Variants in STON2 observed in about 807,000 individuals in gnomAD.
The protein encoded by STON2 is stonin-2.
In STON2, 29 loss-of-function variants were observed where a neutral mutation model predicts 65.7. The ratio of observed to expected loss-of-function variants is 0.44; its 90% confidence interval spans 0.33 to 0.60. The LOEUF is 0.60. Ranked by LOEUF, STON2 falls within the 20% of genes least tolerant of loss-of-function variation. STON2 has a pLI of 0.03. For missense variants in STON2, 1,054 were observed against 1,118.1 expected, an observed-to-expected ratio of 0.94 and a Z score of 0.82; for synonymous variants, 404 against 414.2, an observed-to-expected ratio of 0.98 and a Z score of 0.30.
rs373536945 is a variant in STON2 at position 81,266,951 on chromosome 14, A to G, written c.*1463T>C. ...CATTTTACTTTCAGTCTTAGTTCAG[A>G]TATTTCAAAATACTGTAACTATTTC... On this transcript the variant is annotated 3_prime_UTR_variant, in exon 8 of 8. Coordinates refer to ENST00000614646, the MANE Select transcript of STON2 (RefSeq NM_001394390.1). 2 of 984,984 alleles carry G rather than the reference A, an allele frequency of 2.0e-6. No homozygotes were observed. The highest frequency in any genetic ancestry group is 2.4e-6 in the Non-Finnish European group (2 of 829,500). 61.0% of individuals were successfully genotyped at this position (984,984 alleles called of 1,614,324 possible).
intron 3 of STON2, among the ~76,000 whole-genome samples, chr14:81,383,948 C>T (rs1464189574): frequency 6.6e-6 from 1 of 152,178 alleles, no homozygotes; most frequent in Admixed American, 6.5e-5. Context: ...GTTTCTGCCT[C>T]ACCTCCTTGT....
chr14:81,265,265 C>T lies in STON2; in HGVS notation c.*3149G>A. On this transcript the variant is annotated 3_prime_UTR_variant, in exon 8 of 8. Transcript: ENST00000614646. ...TCTAAAAATATATAGTATTATTATC[C>T]CCAAACCCCTAAATGCTACCCATAA... The T allele has an allele frequency of 1.0e-6, 1 of 983,770 alleles. No individual in the cohort carries two copies. Among genetic ancestry groups the T allele is most frequent in the South Asian group, 4.7e-5 (1 of 21,248 alleles). The allele number at this position is 983,770 out of a possible 1,614,324, so 60.9% of individuals were successfully genotyped here.
intron 3 of STON2, among the ~76,000 whole-genome samples, chr14:81,371,692 G>GAAAAAA (rs1899006102): frequency 1.0e-5 from 1 of 98,238 alleles, no homozygotes; most frequent in African/African-American, 3.6e-5. Flanking sequence ...AAAAAAAAAA[G>GAAAAAA]AAAAGAAAAG....
In STON2 at chr14:81,366,640, C is replaced by A. The variant is rs1595401610; in HGVS notation, c.571+4348G>T. 1.3e-5 allele frequency among the ~76,000 whole-genome samples: 2 copies of A among 152,134 alleles called. 1 individual carries two copies. Among genetic ancestry groups the A allele is most frequent in the African/African-American group, 4.8e-5 (2 of 41,512 alleles). ...CCCAAGGTTCCCCAGGCACAGAAAC[C>A]AATCATACCGAACTCCCCACTGCAT... is the stretch of plus-strand genomic sequence containing the variant. On this transcript the variant is annotated intron_variant, in intron 4 of 7. Transcript: ENST00000614646.
At position 81,372,541 on chromosome 14, in the gene STON2, A is replaced by C. The variant is rs1899050908; in HGVS notation, c.374-1356T>G. 3.7e-5 allele frequency among the ~76,000 whole-genome samples: 5 copies of C among 136,644 alleles called. No individual in the cohort carries two copies. In the South Asian group the frequency reaches 1.0e-3, roughly 28 times the overall value. The allele number at this position is 136,644 out of a possible 152,430, so 89.6% of individuals were successfully genotyped here. On this transcript the variant is annotated intron_variant, in intron 3 of 7. Transcript: ENST00000614646. The stretch of plus-strand genomic sequence containing the variant: ...CTCCAGCCTAGACAACAAGAGATAA[A>C]CCCTATCTCAAAAAAAAAAAAAAAA...
rs1900271974 is a variant in STON2, at chr14:81,395,510, G to C, written c.373+384C>G. The C allele has an allele frequency of 1.9e-5, 3 of 161,650 alleles. No homozygotes were observed. In the South Asian group the frequency reaches 5.4e-4, roughly 29 times the overall value. The allele number at this position is 161,650 out of a possible 1,614,324, so 10.0% of individuals were successfully genotyped here. On this transcript the variant is annotated intron_variant, in intron 3 of 7. Coordinates refer to ENST00000614646, the MANE Select transcript of STON2 (RefSeq NM_001394390.1). ...ACCCTTCTCGGCCTCTCAAAGTGAT[G>C]AAATTATAGGCATGAGCCACCGCAC...
At chr14:81,410,856 TA>T (rs1228540882) in intron 2 of STON2, among the ~76,000 whole-genome samples, 5 of 152,220 alleles carry the variant, frequency 3.3e-5, no homozygotes, top group South Asian at 4.1e-4. Context: ...AAGCCTTCTT[TA>T]AATAATTTCC....
At chr14:81,287,285 C>T (rs781054022) in intron 5 of STON2, among the ~76,000 whole-genome samples, 27 of 152,128 alleles carry the variant, frequency 1.8e-4, no homozygotes, top group African/African-American at 5.1e-4. Flanking sequence ...ACAAATGATA[C>T]GTACTAATGA....
At position 81,276,977 on chromosome 14, in the gene STON2, A is replaced by G; in HGVS notation, c.2505T>C (p.Thr835=). 6.2e-7 allele frequency: 1 copy of G among 1,614,164 alleles called. No individual in the cohort carries two copies. The highest frequency in any genetic ancestry group is 8.5e-7 in the Non-Finnish European group (1 of 1,180,022). The part of the protein sequence containing the change: ...VSGSEPVMRV[T]LGTAKYEHAF... ...CATGCTCGTACTTGGCAGTTCCCAG[A>G]GTTACTCTCATGACAGGCTCAGAGC... Residue 835 remains threonine, a synonymous_variant, in exon 6 of 8, where the codon ACT becomes ACC. Coordinates refer to ENST00000614646, the MANE Select transcript of STON2 (RefSeq NM_001394390.1).
At chr14:81,430,332 A>C (rs774662118) in intron 1 of STON2, among the ~76,000 whole-genome samples, 1 of 152,224 alleles carries the variant, frequency 6.6e-6, no homozygotes, top group Non-Finnish European at 1.5e-5. Context: ...ACTGAGCATA[A>C]TACTTCTCTG....
chr14:81,263,553 A>AC lies in STON2; in HGVS notation c.*4860_*4861insG, dbSNP rs1195192305. The AC allele has an allele frequency of 1.6e-3, 294 of 182,788 alleles. 1 individual carries two copies. The highest frequency in any genetic ancestry group is 2.7e-3 in the Middle Eastern group (1 of 364). The allele number at this position is 182,788 out of a possible 1,614,324, so 11.3% of individuals were successfully genotyped here. On this transcript the variant is annotated 3_prime_UTR_variant, in exon 8 of 8. Coordinates refer to ENST00000614646, the MANE Select transcript of STON2 (RefSeq NM_001394390.1). ...ACTCCGTCTCAAAAAAAAAAAAAAAAAAAAAAACAAAAAAGAAAATGCTAT... is the reference window on the plus strand; with the variant it reads ...ACTCCGTCTCAAAAAAAAAAAAAAAACAAAAAAACAAAAAAGAAAATGCTAT...
At chr14:81,305,985 A>G (rs1354744959) in intron 5 of STON2, among the ~76,000 whole-genome samples, 3 of 152,046 alleles carry the variant, frequency 2.0e-5, no homozygotes, top group Non-Finnish European at 4.4e-5. Context: ...ACTCCTTGCC[A>G]GCGACCCAAG....
chr14:81,396,826 A>G (rs570581073), intron 2 of STON2, among the ~76,000 whole-genome samples: 40 of 152,302 alleles, frequency 2.6e-4, no homozygotes, highest in African/African-American at 8.9e-4. Context: ...TGGGAGGCCG[A>G]GGTGAGTGGA....
Position 81,277,144 on chromosome 14 carries a change from C to T in STON2, c.2338G>A (p.Val780Ile). The T allele has an allele frequency of 1.2e-6, 2 of 1,614,204 alleles. No homozygotes were observed. The highest frequency in any genetic ancestry group is 2.2e-5 in the South Asian group (2 of 91,080). ...CGGATCATCACATTCTCACAGGGAA[C>T]CTGAGTGAGGGGGTCACGATTGGCG... ...FSANRDPLTQ[V>I]PCENVMIRYP... The change falls in exon 6 of 8, where the codon GTT becomes ATT. Residue 780 changes from valine (V) to isoleucine (I), a missense_variant. Val to Ile is a conservative substitution (Grantham distance 29). Transcript: ENST00000614646.
intron 5 of STON2, among the ~76,000 whole-genome samples, chr14:81,297,123 G>C (rs1390775359): frequency 1.3e-5 from 2 of 152,158 alleles, no homozygotes; most frequent in Non-Finnish European, 2.9e-5. Flanking sequence ...AGGAGAGGTA[G>C]CTGGAAGGAC....
intron 4 of STON2, among the ~76,000 whole-genome samples, chr14:81,357,235 T>C (rs55921727): frequency 0.32 from 48,106 of 150,090 alleles, 7,947 homozygotes; most frequent in South Asian, 0.44. Flanking sequence ...AAAAAGTGGG[T>C]GAAGGACATG....
At chr14:81,369,218 G>A (rs1243607552) in intron 4 of STON2, among the ~76,000 whole-genome samples, 1 of 151,982 alleles carries the variant, frequency 6.6e-6, no homozygotes, top group Non-Finnish European at 1.5e-5. Context: ...ACCTTTTTAG[G>A]GCACCATCTG....
chr14:81,330,129 C>T (rs1472501722), intron 4 of STON2, among the ~76,000 whole-genome samples: 1 of 152,216 alleles, frequency 6.6e-6, no homozygotes. Flanking sequence ...CACTCTCTGA[C>T]GTGGGATGCT....
At chr14:81,342,370 G>C (rs573935043) in intron 4 of STON2, among the ~76,000 whole-genome samples, 5 of 152,122 alleles carry the variant, frequency 3.3e-5, no homozygotes, top group African/African-American at 4.8e-5. Flanking sequence ...CCTGACTTCA[G>C]GTGATCCGCC....
Sources: allele counts gnomAD v4.1 joint callset (sites outside exome capture counted in the v4.1 genomes callset), GRCh38; gene constraint gnomAD v4.1.1; transcripts MANE v1.5; gene names NCBI Gene and HGNC (gene_info 2026-07-23, HGNC 2026-07-21).